KCNQ5: variants seen among roughly 807,000 people sequenced by gnomAD.
KCNQ5 encodes potassium voltage-gated channel subfamily KQT member 5.
In KCNQ5, 30 loss-of-function variants were observed where a neutral mutation model predicts 98.2. That is an observed-to-expected ratio of 0.31 (90% CI 0.23 to 0.41). KCNQ5 has a LOEUF of 0.41. Among genes scored for constraint, KCNQ5 ranks in the 10% least tolerant of loss-of-function variants. The probability of loss-of-function intolerance (pLI) is 1.00; values close to 1 mark genes in which losing one functional copy is unlikely to be tolerated. For missense variants in KCNQ5, 835 were observed against 1,182.5 expected, an observed-to-expected ratio of 0.71 and a Z score of 4.31; for synonymous variants, 458 against 449.4, an observed-to-expected ratio of 1.02 and a Z score of -0.24.
At chr6:72,841,065 G>A (rs944079447) in intron 1 of KCNQ5, among the ~76,000 whole-genome samples, 2 of 152,204 alleles carry the variant, frequency 1.3e-5, no homozygotes, top group East Asian at 3.9e-4. Context: ...ATTACAATAC[G>A]TAATATAGAA....
intron 1 of KCNQ5, among the ~76,000 whole-genome samples, chr6:72,727,679 T>G: frequency 6.6e-6 from 1 of 152,200 alleles, no homozygotes; most frequent in Non-Finnish European, 1.5e-5. Flanking sequence ...TAATACTGCA[T>G]AATATATTAC....
intron 2 of KCNQ5, among the ~76,000 whole-genome samples, chr6:73,037,371 G>A (rs1771484325): frequency 6.6e-6 from 1 of 151,934 alleles, no homozygotes. Context: ...TACTTTTGAT[G>A]GAGTCCAATT....
At chr6:72,809,491 G>T (rs891771374) in intron 1 of KCNQ5, among the ~76,000 whole-genome samples, 1 of 152,038 alleles carries the variant, frequency 6.6e-6, no homozygotes, top group African/African-American at 2.4e-5. Context: ...GGTGGAGGTT[G>T]CAGTGAGCTG....
At chr6:72,679,778 G>C (rs959471271) in intron 1 of KCNQ5, among the ~76,000 whole-genome samples, 1 of 152,132 alleles carries the variant, frequency 6.6e-6, no homozygotes. Context: ...GGTGGCTCAC[G>C]TCTGTAATCC....
intron 1 of KCNQ5, among the ~76,000 whole-genome samples, chr6:72,699,537 G>A (rs991034990): frequency 6.6e-6 from 1 of 152,002 alleles, no homozygotes; most frequent in African/African-American, 2.4e-5. Context: ...ATCCTACTTG[G>A]CTGCTTATAT....
At chr6:72,799,912 G>A (rs774543822) in intron 1 of KCNQ5, among the ~76,000 whole-genome samples, 1 of 151,960 alleles carries the variant, frequency 6.6e-6, no homozygotes, top group Non-Finnish European at 1.5e-5. Flanking sequence ...TACTGAAGAA[G>A]CATCAAGCTA....
At chr6:72,739,768 G>A (rs539100136) in intron 1 of KCNQ5, among the ~76,000 whole-genome samples, 13 of 152,238 alleles carry the variant, frequency 8.5e-5, no homozygotes, top group Admixed American at 3.3e-4. Context: ...CTGACTATTC[G>A]ATAGTCCCAG....
At chr6:72,739,852 T>C (rs1771039519) in intron 1 of KCNQ5, among the ~76,000 whole-genome samples, 1 of 152,192 alleles carries the variant, frequency 6.6e-6, no homozygotes, top group Non-Finnish European at 1.5e-5. Flanking sequence ...AATTATTGTG[T>C]TTTAAGAATA....
chr6:72,850,464 C>T (rs1002704087), intron 1 of KCNQ5, among the ~76,000 whole-genome samples: 1 of 152,198 alleles, frequency 6.6e-6, no homozygotes, highest in Non-Finnish European at 1.5e-5. Context: ...ACTACACACA[C>T]AGCAGCAGCA....
At chr6:72,681,146 C>T (rs1050835090) in intron 1 of KCNQ5, among the ~76,000 whole-genome samples, 8 of 152,146 alleles carry the variant, frequency 5.3e-5, no homozygotes, top group Admixed American at 6.5e-5. Flanking sequence ...TTATAGAGCA[C>T]GCAGATCCTG....
chr6:72,723,821 C>A (rs892020134), intron 1 of KCNQ5, among the ~76,000 whole-genome samples: 1 of 152,114 alleles, frequency 6.6e-6, no homozygotes, highest in Non-Finnish European at 1.5e-5. Context: ...TGCCATTCAT[C>A]ATTACCTTCC....
At chr6:72,731,739 G>C (rs1770566241) in intron 1 of KCNQ5, among the ~76,000 whole-genome samples, 1 of 152,220 alleles carries the variant, frequency 6.6e-6, no homozygotes, top group Non-Finnish European at 1.5e-5. Context: ...AAGTGTACAA[G>C]AGGTTGCTCC....
chr6:72,890,398 A>T (rs1350035983), intron 1 of KCNQ5, among the ~76,000 whole-genome samples: 1 of 152,158 alleles, frequency 6.6e-6, no homozygotes. Flanking sequence ...GAACTTACTC[A>T]TCTGGTATGA....
intron 1 of KCNQ5, among the ~76,000 whole-genome samples, chr6:72,954,003 G>A (rs977400824): frequency 2.0e-5 from 3 of 152,052 alleles, no homozygotes; most frequent in African/African-American, 4.8e-5. Context: ...GAACAGAGGC[G>A]AAACTGAGTC....
intron 5 of KCNQ5, among the ~76,000 whole-genome samples, chr6:73,081,756 A>G (rs1773779904): frequency 6.6e-6 from 1 of 152,208 alleles, no homozygotes; most frequent in Non-Finnish European, 1.5e-5. Flanking sequence ...TAATTCTGCT[A>G]TTGAAAAGAA....
At chr6:72,732,192 G>A (rs1219070761) in intron 1 of KCNQ5, among the ~76,000 whole-genome samples, 2 of 152,096 alleles carry the variant, frequency 1.3e-5, no homozygotes, top group Admixed American at 1.3e-4. Context: ...AGTGTGGAAG[G>A]CAAATAGATA....
chr6:73,060,657 A>G (rs1470293894), intron 3 of KCNQ5, among the ~76,000 whole-genome samples: 1 of 152,186 alleles, frequency 6.6e-6, no homozygotes, highest in African/African-American at 2.4e-5. Flanking sequence ...AATAGAAACT[A>G]ATCACCTTAA....
chr6:72,858,549 AT>A lies in KCNQ5; in HGVS notation c.399-145351del, dbSNP rs202207786. 4.8e-3 allele frequency among the ~76,000 whole-genome samples: 728 copies of A among 151,590 alleles called. 3 individuals carry two copies. Among genetic ancestry groups the A allele is most frequent in the African/African-American group, 0.016 (661 of 41,436 alleles). On this transcript the variant is annotated intron_variant, in intron 1 of 13. Coordinates refer to ENST00000370398, the MANE Select transcript of KCNQ5 (RefSeq NM_019842.4). ...TGAAAATAGTAACCTTCGAAATGTG[AT>A]TTTTTTTAACATTGTTGCTCTCCAA... is the stretch of plus-strand genomic sequence containing the variant.
intron 7 of KCNQ5, among the ~76,000 whole-genome samples, chr6:73,114,337 A>T (rs1342343): frequency 3.9e-5 from 6 of 152,164 alleles, no homozygotes; most frequent in Non-Finnish European, 8.8e-5. Flanking sequence ...CAGAGTCACT[A>T]TCTTCTTAAA....
Sources: allele counts gnomAD v4.1 joint callset (sites outside exome capture counted in the v4.1 genomes callset), GRCh38; gene constraint gnomAD v4.1.1; transcripts MANE v1.5; gene names NCBI Gene and HGNC (gene_info 2026-07-23, HGNC 2026-07-21).